NAA60: variants seen among roughly 807,000 people sequenced by gnomAD.
The protein encoded by NAA60 is N-alpha-acetyltransferase 60, NatF catalytic subunit.
In NAA60, 8 loss-of-function variants were observed where a neutral mutation model predicts 26.1. That is an observed-to-expected ratio of 0.31 (90% CI 0.18 to 0.55). NAA60 has a LOEUF of 0.55. NAA60 is among the 20% of genes least tolerant of loss of function. NAA60 has a pLI of 0.93. For synonymous variants in NAA60, 131 were observed against 122.5 expected (o/e 1.07, Z -0.46); for missense variants, 290 against 311.3 (o/e 0.93, Z 0.51).
chr16:3,471,456 T>A lies in NAA60; in HGVS notation c.-6-4766T>A, dbSNP rs554979756. 5.3e-5 allele frequency among the ~76,000 whole-genome samples: 8 copies of A among 152,048 alleles called. No individual in the cohort carries two copies. In the South Asian group the frequency reaches 1.7e-3, roughly 32 times the overall value. On this transcript the variant is annotated intron_variant, in intron 2 of 7. Transcript: ENST00000407558. ...AGGCGGAGCTTGCAGTGAACCGAGA[T>A]CGCGCCAGTGCACTCCAGCCTTGGG...
At chr16:3,457,711 CG>C (rs1044416643) in intron 2 of NAA60, among the ~76,000 whole-genome samples, 1 of 152,158 alleles carries the variant, frequency 6.6e-6, no homozygotes, top group Non-Finnish European at 1.5e-5. Flanking sequence ...AGGGCCTGTG[CG>C]GGGGGGCCAC....
chr16:3,470,539 C>T (rs1045710878), intron 2 of NAA60, among the ~76,000 whole-genome samples: 5 of 152,220 alleles, frequency 3.3e-5, no homozygotes, highest in African/African-American at 4.8e-5. Context: ...CTGGGCCCAG[C>T]GTGGCCCTCA....
intron 2 of NAA60, among the ~76,000 whole-genome samples, chr16:3,464,486 G>C (rs1178978708): frequency 2.0e-5 from 3 of 152,174 alleles, no homozygotes; most frequent in African/African-American, 7.2e-5. Flanking sequence ...CTCTCTTGCT[G>C]GGCTTTCTCC....
intron 2 of NAA60, among the ~76,000 whole-genome samples, chr16:3,467,228 G>T (rs972663004): frequency 6.6e-6 from 1 of 152,110 alleles, no homozygotes; most frequent in Non-Finnish European, 1.5e-5. Context: ...GAAGCGTGTG[G>T]CGGGAGATCC....
intron 3 of NAA60, among the ~76,000 whole-genome samples, chr16:3,476,944 G>A (rs939781517): frequency 3.3e-5 from 5 of 152,110 alleles, no homozygotes; most frequent in Non-Finnish European, 7.3e-5. Context: ...GGGAGACTGA[G>A]GCAGGAGAAT....
intron 2 of NAA60, among the ~76,000 whole-genome samples, chr16:3,471,233 T>TG (rs199994123): frequency 0.061 from 9,338 of 152,148 alleles, 375 homozygotes; most frequent in Admixed American, 0.084. Flanking sequence ...CCGGGCGCGG[T>TG]GCTCACACCT....
At chr16:3,455,386 GTTTTT>G (rs35501650) in intron 2 of NAA60, among the ~76,000 whole-genome samples, 1 of 101,960 alleles carries the variant, frequency 9.8e-6, no homozygotes, top group Admixed American at 1.1e-4. Context: ...AGAGTTTTTA[GTTTTT>G]TTTTTTTTTT....
At chr16:3,447,507 A>G (rs997779441) in intron 1 of NAA60, 1 of 985,384 alleles carries the variant, frequency 1.0e-6, no homozygotes. Flanking sequence ...AAGGTCTATT[A>G]CTTAAACATA....
chr16:3,462,311 A>G (rs1345194196), intron 2 of NAA60, among the ~76,000 whole-genome samples: 1 of 152,144 alleles, frequency 6.6e-6, no homozygotes, highest in African/African-American at 2.4e-5. Context: ...TTAGGTACCA[A>G]AAAGGGCTCT....
chr16:3,470,945 T>C (rs1265675816), intron 2 of NAA60, among the ~76,000 whole-genome samples: 1 of 151,596 alleles, frequency 6.6e-6, no homozygotes, highest in Non-Finnish European at 1.5e-5. Flanking sequence ...CATTTGGCCC[T>C]GACTTAGGTG....
chr16:3,461,492 C>T (rs2035392295), intron 2 of NAA60, among the ~76,000 whole-genome samples: 1 of 152,228 alleles, frequency 6.6e-6, no homozygotes, highest in Admixed American at 6.5e-5. Context: ...CCATCTCTAT[C>T]TCAGCCAGGG....
intron 2 of NAA60, among the ~76,000 whole-genome samples, chr16:3,459,170 C>T (rs2035210030): frequency 6.6e-6 from 1 of 152,090 alleles, no homozygotes; most frequent in African/African-American, 2.4e-5. Context: ...AGAACATTGC[C>T]GTGTACAGAT....
intron 2 of NAA60, among the ~76,000 whole-genome samples, chr16:3,469,870 C>T (rs76525720): frequency 6.6e-6 from 1 of 152,364 alleles, no homozygotes; most frequent in East Asian, 1.9e-4. Flanking sequence ...AGCCAGGGCT[C>T]CATGCCTCTG....
chr16:3,482,894 G>A, intron 5 of NAA60: 1 of 526,328 alleles, frequency 1.9e-6, no homozygotes, highest in Admixed American at 3.2e-5. Context: ...CACTTCTGCT[G>A]CCGCCACACG....
At chr16:3,479,647 C>A in intron 4 of NAA60, 47 bp downstream of exon 4, 1 of 1,605,526 alleles carries the variant, frequency 6.2e-7, no homozygotes, top group Non-Finnish European at 8.5e-7. Context: ...TGTCATTGGA[C>A]GGGCCAAGGG....
chr16:3,471,317 A>C (rs76360117), intron 2 of NAA60, among the ~76,000 whole-genome samples: 9,337 of 152,074 alleles, frequency 0.061, 379 homozygotes, highest in Admixed American at 0.084. Context: ...CTGGCTAACA[A>C]GGTGAAACCC....
Position 3,482,570 on chromosome 16 carries a change from C to T in NAA60, c.309C>T (p.Val103=), listed in dbSNP as rs1302103216. Residue 103 remains valine, a synonymous_variant, in exon 5 of 8, where the codon GTC becomes GTT. Coordinates refer to ENST00000407558, the MANE Select transcript of NAA60 (RefSeq NM_001083601.3). ...TQVAYILSLG[V]VKEFRKHGIG... Reference sequence around the variant, plus strand: ...TCGCGTACATCCTAAGTCTGGGCGTCGTGAAAGAGTTCAGGAAGCACGGCA... The same window carrying T: ...TCGCGTACATCCTAAGTCTGGGCGTTGTGAAAGAGTTCAGGAAGCACGGCA... 8.1e-6 allele frequency: 13 copies of T among 1,608,178 alleles called. No homozygotes were observed. Among genetic ancestry groups the T allele is most frequent in the African/African-American group, 1.3e-5 (1 of 74,838 alleles).
chr16:3,485,693 C>G lies in NAA60; in HGVS notation c.*433C>G. ...GAGGAACGCAAGTATTATGGACACA[C>G]TTGACCGTAAAGGCACAGGAGCCTC... On this transcript the variant is annotated 3_prime_UTR_variant, in exon 8 of 8. Transcript: ENST00000407558. 2.2e-6 allele frequency: 1 copy of G among 456,640 alleles called. No individual in the cohort carries two copies. The highest frequency in any genetic ancestry group is 4.4e-6 in the Non-Finnish European group (1 of 226,946). 28.3% of individuals were successfully genotyped at this position (456,640 alleles called of 1,614,324 possible). A position where few individuals can be genotyped will look rare whatever the true frequency, so the allele number is the denominator to read the frequency against.
chr16:3,443,893 G>A, intron 1 of NAA60, 56 bp downstream of exon 1: 1 of 1,493,478 alleles, frequency 6.7e-7, no homozygotes, highest in Non-Finnish European at 8.9e-7. Flanking sequence ...GCCAGAGCAA[G>A]GTGATTGAGA....
Sources: allele counts gnomAD v4.1 joint callset (sites outside exome capture counted in the v4.1 genomes callset), GRCh38; gene constraint gnomAD v4.1.1; transcripts MANE v1.5; gene names NCBI Gene and HGNC (gene_info 2026-07-23, HGNC 2026-07-21).